The following SMAP1 variants were observed in gnomAD, a reference collection of about 807,000 sequenced individuals.
SMAP1 encodes the protein small ArfGAP 1.
SMAP1 carries 24 observed loss-of-function variants against 58.5 expected under a neutral mutation model. The ratio of observed to expected loss-of-function variants is 0.41; its 90% CI spans 0.30 to 0.58. The LOEUF is 0.58. SMAP1 is among the 20% of genes least tolerant of loss of function. The pLI, the probability that SMAP1 is intolerant of heterozygous loss-of-function variation, is 0.29. For missense variants in SMAP1, 563 were observed against 566.3 expected, an observed-to-expected ratio of 0.99 and a Z score of 0.06; for synonymous variants, 216 against 196.6, an observed-to-expected ratio of 1.10 and a Z score of -0.82.
chr6:70,817,232 T>C (rs1769677270), intron 6 of SMAP1, among the ~76,000 whole-genome samples: 1 of 151,968 alleles, frequency 6.6e-6, no homozygotes, highest in African/African-American at 2.4e-5. Flanking sequence ...TCATTGTCCC[T>C]ATGTTTTCTC....
intron 7 of SMAP1, among the ~76,000 whole-genome samples, chr6:70,844,975 T>C (rs1395202108): frequency 6.6e-6 from 1 of 152,232 alleles, no homozygotes; most frequent in African/African-American, 2.4e-5. Flanking sequence ...CTGTTTCCAC[T>C]TTAATTTCAT....
chr6:70,672,901 C>T (rs1027331294), intron 1 of SMAP1, among the ~76,000 whole-genome samples: 1 of 151,794 alleles, frequency 6.6e-6, no homozygotes, highest in Non-Finnish European at 1.5e-5. Context: ...TATGAAAGAA[C>T]AGAAGAAGTT....
At chr6:70,685,526 T>C in intron 1 of SMAP1, among the ~76,000 whole-genome samples, 1 of 152,096 alleles carries the variant, frequency 6.6e-6, no homozygotes, top group Middle Eastern at 3.2e-3. Context: ...AGGTAGTTCT[T>C]GAGGAAGAGT....
intron 7 of SMAP1, chr6:70,838,008 A>T: frequency 1.2e-6 from 1 of 847,032 alleles, no homozygotes; most frequent in Non-Finnish European, 1.4e-6. Flanking sequence ...AAAGTTGTGT[A>T]TTAGAAATAT....
chr6:70,852,434 T>C (rs1771220079), intron 7 of SMAP1, 106 bp from the exon 8 acceptor site: 3 of 1,162,624 alleles, frequency 2.6e-6, no homozygotes, highest in South Asian at 5.1e-5. Context: ...TTACCAACTT[T>C]TGAACTGTTC....
At chr6:70,849,857 TG>T (rs1348831330) in intron 7 of SMAP1, among the ~76,000 whole-genome samples, 9 of 152,318 alleles carry the variant, frequency 5.9e-5, no homozygotes, top group Non-Finnish European at 5.9e-5. Flanking sequence ...CATTTTTGCA[TG>T]GTTTGAATCT....
intron 1 of SMAP1, among the ~76,000 whole-genome samples, chr6:70,727,355 C>T (rs1381346129): frequency 6.6e-6 from 1 of 152,176 alleles, no homozygotes; most frequent in African/African-American, 2.4e-5. Flanking sequence ...GTTATCTGCC[C>T]ACCTAAGTCT....
At chr6:70,852,111 C>T (rs1189056339) in intron 7 of SMAP1, among the ~76,000 whole-genome samples, 2 of 152,084 alleles carry the variant, frequency 1.3e-5, no homozygotes, top group African/African-American at 4.8e-5. Context: ...AGTGTGGTAT[C>T]AAATTCCACC....
chr6:70,833,336 A>G (rs1271603527), intron 6 of SMAP1, among the ~76,000 whole-genome samples: 1 of 152,244 alleles, frequency 6.6e-6, no homozygotes, highest in Non-Finnish European at 1.5e-5. Context: ...CTATGAAGAC[A>G]TAGAAAAGTA....
At chr6:70,732,985 A>T (rs999702027) in intron 2 of SMAP1, among the ~76,000 whole-genome samples, 2 of 152,208 alleles carry the variant, frequency 1.3e-5, no homozygotes, top group African/African-American at 4.8e-5. Context: ...AAACTTACTT[A>T]TGAGTGGTTT....
intron 1 of SMAP1, among the ~76,000 whole-genome samples, chr6:70,688,369 A>G (rs1435655983): frequency 6.6e-6 from 1 of 152,202 alleles, no homozygotes; most frequent in Non-Finnish European, 1.5e-5. Flanking sequence ...AGATCCATAA[A>G]AAAAGTGCCA....
At chr6:70,729,483 G>GTGTGTGTGTGTGTGTA (rs1382253034) in intron 1 of SMAP1, among the ~76,000 whole-genome samples, 28 of 150,826 alleles carry the variant, frequency 1.9e-4, no homozygotes, top group African/African-American at 6.8e-4. Context: ...GTGTGTGTGT[G>GTGTGTGTGTGTGTGTA]TGTGTGTGTG....
chr6:70,819,273 A>G (rs1297300495), intron 6 of SMAP1, among the ~76,000 whole-genome samples: 1 of 152,010 alleles, frequency 6.6e-6, no homozygotes, highest in African/African-American at 2.4e-5. Context: ...TCTCATCAAC[A>G]AAAAGATGAG....
At chr6:70,843,398 G>A (rs1288878838) in intron 7 of SMAP1, among the ~76,000 whole-genome samples, 1 of 152,140 alleles carries the variant, frequency 6.6e-6, no homozygotes, top group Non-Finnish European at 1.5e-5. Flanking sequence ...GCTGTCTTGT[G>A]TGCTGACAGA....
chr6:70,700,441 G>A (rs1171177064), intron 1 of SMAP1, among the ~76,000 whole-genome samples: 1 of 152,204 alleles, frequency 6.6e-6, no homozygotes, highest in African/African-American at 2.4e-5. Flanking sequence ...TGCGATTACA[G>A]GATGTACCAC....
At chr6:70,845,328 G>A (rs1003152203) in intron 7 of SMAP1, among the ~76,000 whole-genome samples, 4 of 152,230 alleles carry the variant, frequency 2.6e-5, no homozygotes, top group Admixed American at 2.6e-4. Flanking sequence ...GTTTATAGTA[G>A]TGCAAGAGGG....
chr6:70,830,754 A>T (rs973746129), intron 6 of SMAP1, among the ~76,000 whole-genome samples: 8 of 152,210 alleles, frequency 5.3e-5, no homozygotes, highest in African/African-American at 1.9e-4. Flanking sequence ...CAAAATATTT[A>T]ATTGGAATAC....
At chr6:70,827,394 C>A (rs1272816114) in intron 6 of SMAP1, among the ~76,000 whole-genome samples, 1 of 152,110 alleles carries the variant, frequency 6.6e-6, no homozygotes, top group Non-Finnish European at 1.5e-5. Flanking sequence ...AAGAAAATGT[C>A]ATTGAATTTT....
chr6:70,761,715 T>G (rs942318118), intron 3 of SMAP1, among the ~76,000 whole-genome samples: 2 of 152,116 alleles, frequency 1.3e-5, no homozygotes, highest in Non-Finnish European at 2.9e-5. Context: ...ATGTACCATC[T>G]ACTATTTTAG....
Sources: gnomAD v4.1 joint callset for allele counts (sites outside exome capture counted in the v4.1 genomes callset) on GRCh38, gnomAD v4.1.1 for gene constraint, MANE v1.5 for transcripts, NCBI Gene and HGNC (gene_info 2026-07-23, HGNC 2026-07-21) for gene names.